LRRC4C: variants seen among roughly 807,000 people sequenced by gnomAD.
LRRC4C encodes the protein leucine rich repeat containing 4C.
LRRC4C carries 5 observed loss-of-function variants against 33.6 expected under a neutral mutation model. That is an observed-to-expected ratio of 0.15 (90% confidence interval 0.08 to 0.31). The LOEUF is 0.31. LRRC4C is among the 10% of genes least tolerant of loss of function. The probability of loss-of-function intolerance (pLI) is 1.00; values close to 1 mark genes in which losing one functional copy is unlikely to be tolerated. For missense variants in LRRC4C, 560 were observed against 796.7 expected (o/e 0.70, Z 3.58); for synonymous variants, 329 against 302.0 (o/e 1.09, Z -0.93).
At chr11:40,782,221 C>A (rs940538068) in intron 2 of LRRC4C, among the ~76,000 whole-genome samples, 1 of 152,038 alleles carries the variant, frequency 6.6e-6, no homozygotes, top group Non-Finnish European at 1.5e-5. Context: ...TTTCAGATAC[C>A]TTTTACTATG....
intron 1 of LRRC4C, among the ~76,000 whole-genome samples, chr11:41,249,300 C>T (rs995020609): frequency 6.6e-6 from 1 of 152,124 alleles, no homozygotes; most frequent in Non-Finnish European, 1.5e-5. Flanking sequence ...TCCCAAAGTG[C>T]TGGGATTACA....
At chr11:41,435,747 T>A (rs1955403970) in intron 1 of LRRC4C, among the ~76,000 whole-genome samples, 1 of 152,216 alleles carries the variant, frequency 6.6e-6, no homozygotes, top group Admixed American at 6.5e-5. Flanking sequence ...TATAGCACTA[T>A]TAATTTGCAA....
intron 1 of LRRC4C, among the ~76,000 whole-genome samples, chr11:41,111,553 T>C (rs1941832785): frequency 6.6e-6 from 1 of 152,008 alleles, no homozygotes; most frequent in African/African-American, 2.4e-5. Context: ...GGAAAAAAGG[T>C]GGTGATACAA....
At chr11:40,255,081 G>C (rs971666175) in intron 4 of LRRC4C, among the ~76,000 whole-genome samples, 1 of 152,212 alleles carries the variant, frequency 6.6e-6, no homozygotes, top group East Asian at 1.9e-4. Flanking sequence ...GATTACAAGC[G>C]TGAGTCACCG....
At chr11:41,110,226 C>T (rs1002860660) in intron 1 of LRRC4C, among the ~76,000 whole-genome samples, 2 of 151,872 alleles carry the variant, frequency 1.3e-5, no homozygotes, top group African/African-American at 4.8e-5. Context: ...CCTCAGAATT[C>T]CCATCGATGA....
chr11:40,981,438 G>A (rs562635186), intron 1 of LRRC4C, among the ~76,000 whole-genome samples: 17 of 151,764 alleles, frequency 1.1e-4, no homozygotes, highest in African/African-American at 4.1e-4. Context: ...ACTAATTTGC[G>A]ACAAGCGTCT....
At chr11:41,343,283 G>T (rs1282367495) in intron 1 of LRRC4C, among the ~76,000 whole-genome samples, 2 of 152,128 alleles carry the variant, frequency 1.3e-5, no homozygotes, top group African/African-American at 4.8e-5. Context: ...AAACATCTCT[G>T]CATCAAGTTA....
At chr11:40,584,248 GTA>G (rs1555110031) in intron 3 of LRRC4C, among the ~76,000 whole-genome samples, 1 of 141,114 alleles carries the variant, frequency 7.1e-6, no homozygotes, top group Non-Finnish European at 1.5e-5. Flanking sequence ...ACTGCCAAGC[GTA>G]TGTGTTTGGC....
chr11:40,856,858 G>T (rs1953808519), intron 2 of LRRC4C, among the ~76,000 whole-genome samples: 1 of 152,050 alleles, frequency 6.6e-6, no homozygotes, highest in Admixed American at 6.6e-5. Context: ...GTTTTTATCT[G>T]TTTTTTTCCC....
chr11:40,343,639 T>G (rs1243765749), intron 3 of LRRC4C, among the ~76,000 whole-genome samples: 1 of 139,462 alleles, frequency 7.2e-6, no homozygotes, highest in African/African-American at 2.7e-5. Flanking sequence ...TATGGAGTGA[T>G]ATATAAAGAT....
intron 1 of LRRC4C, among the ~76,000 whole-genome samples, chr11:41,364,501 C>G (rs1380980839): frequency 1.3e-5 from 2 of 152,084 alleles, no homozygotes; most frequent in East Asian, 3.9e-4. Flanking sequence ...GTCTCGAACT[C>G]CTGACCTCAG....
At chr11:40,409,909 C>A (rs977347556) in intron 3 of LRRC4C, among the ~76,000 whole-genome samples, 1 of 151,832 alleles carries the variant, frequency 6.6e-6, no homozygotes, top group Non-Finnish European at 1.5e-5. Flanking sequence ...TTTGATTTAG[C>A]CATTTTACAG....
At chr11:40,186,358 T>G (rs1050572073) in intron 5 of LRRC4C, among the ~76,000 whole-genome samples, 1 of 152,180 alleles carries the variant, frequency 6.6e-6, no homozygotes, top group Non-Finnish European at 1.5e-5. Flanking sequence ...CCAGCAAGGA[T>G]GCCAGGAAGA....
chr11:40,218,518 A>G (rs974313682), intron 5 of LRRC4C, among the ~76,000 whole-genome samples: 3 of 152,130 alleles, frequency 2.0e-5, no homozygotes, highest in Non-Finnish European at 4.4e-5. Context: ...ATCAACAAAG[A>G]TCGTCAGAGG....
At chr11:41,334,768 T>C (rs1951399079) in intron 1 of LRRC4C, among the ~76,000 whole-genome samples, 1 of 152,114 alleles carries the variant, frequency 6.6e-6, no homozygotes, top group South Asian at 2.1e-4. Flanking sequence ...GCAGGGTTGC[T>C]TGAGCCCAGG....
At position 40,382,123 on chromosome 11, in the gene LRRC4C, A is replaced by ATTTTT. The variant is rs77934711; in HGVS notation, c.-269-62407_-269-62403dup. 9.5e-4 allele frequency among the ~76,000 whole-genome samples: 95 copies of ATTTTT among 99,934 alleles called. 1 individual carries two copies. Among genetic ancestry groups the ATTTTT allele is most frequent in the African/African-American group, 2.3e-3 (61 of 26,656 alleles). 65.6% of individuals were successfully genotyped at this position (99,934 alleles called of 152,430 possible). A position where few individuals can be genotyped will look rare whatever the true frequency, so the allele number is the denominator to read the frequency against. ...AGGCGCCCACCACTATGCCCGGCTA[A>ATTTTT]TTTTTTTTTTTTTTTTTTTTTTTTT... is the stretch of plus-strand genomic sequence containing the variant. On this transcript the variant is annotated intron_variant, in intron 3 of 6. Transcript: ENST00000528697.
At chr11:40,500,405 T>C (rs954852184) in intron 3 of LRRC4C, among the ~76,000 whole-genome samples, 5 of 151,252 alleles carry the variant, frequency 3.3e-5, no homozygotes, top group Non-Finnish European at 7.4e-5. Flanking sequence ...TATTTAAATA[T>C]ATGCATGTGT....
intron 2 of LRRC4C, among the ~76,000 whole-genome samples, chr11:40,791,400 A>C (rs1017222453): frequency 3.3e-5 from 5 of 152,146 alleles, no homozygotes; most frequent in Non-Finnish European, 1.5e-5. Flanking sequence ...GTTGCTTCTA[A>C]TAAGTGTAGA....
Position 40,214,976 on chromosome 11 carries a change from G to A in LRRC4C, c.-96+26543C>T, listed in dbSNP as rs549532809. Among the ~76,000 whole-genome samples the A allele has an allele frequency of 3.9e-5, 6 of 152,206 alleles. No homozygotes were observed. In the East Asian group the frequency reaches 5.8e-4, roughly 15 times the overall value. ...GGTACTCCCTGGAGTTGTACTGTGCGCAGCCTGTGTGAAGGGACCTGGAAG... is the reference window on the plus strand; with the variant it reads ...GGTACTCCCTGGAGTTGTACTGTGCACAGCCTGTGTGAAGGGACCTGGAAG... On this transcript the variant is annotated intron_variant, in intron 5 of 6. Transcript: ENST00000528697.
Sources: allele counts gnomAD v4.1 joint callset (sites outside exome capture counted in the v4.1 genomes callset), GRCh38; gene constraint gnomAD v4.1.1; transcripts MANE v1.5; gene names NCBI Gene and HGNC (gene_info 2026-07-23, HGNC 2026-07-21).